The following TBCD variants were observed in gnomAD, a reference collection of about 807,000 sequenced individuals.
TBCD encodes tubulin folding cofactor D, also known as tubulin-specific chaperone D.
In TBCD, 105 loss-of-function variants were observed where a neutral mutation model predicts 169.3. That is an observed-to-expected ratio of 0.62 (90% CI 0.53 to 0.73). TBCD has a LOEUF of 0.73. TBCD is among the 30% of genes least tolerant of loss of function. TBCD has a pLI of 0.00. For missense variants in TBCD, 1,444 were observed against 1,600.1 expected, an observed-to-expected ratio of 0.90 and a Z score of 1.66; for synonymous variants, 700 against 643.9, an observed-to-expected ratio of 1.09 and a Z score of -1.32.
chr17:82,779,690 C>T (rs953229563), intron 6 of TBCD, among the ~76,000 whole-genome samples: 6 of 152,152 alleles, frequency 3.9e-5, no homozygotes, highest in African/African-American at 7.2e-5. Context: ...CCGGCTCTCG[C>T]GCAGGCCAAC....
chr17:82,892,495 A>G (rs2059210599), intron 16 of TBCD, among the ~76,000 whole-genome samples: 1 of 152,158 alleles, frequency 6.6e-6, no homozygotes, highest in South Asian at 2.1e-4. Context: ...ATTTGCTGGA[A>G]GAAAGCCGCA....
chr17:82,941,306 A>T, intron 37 of TBCD, 93 bp from the exon 38 acceptor site: 1 of 1,104,452 alleles, frequency 9.1e-7, no homozygotes, highest in Non-Finnish European at 1.3e-6. Context: ...CCTTTCCCTG[A>T]CTGCGGCCAT....
chr17:82,926,103 T>C (rs573387536), intron 27 of TBCD, among the ~76,000 whole-genome samples: 11 of 46,722 alleles, frequency 2.4e-4, no homozygotes, highest in Non-Finnish European at 3.1e-4. Context: ...GGAGGTGACC[T>C]CTCCCCGGGT....
chr17:82,869,971 TC>T (rs1172836493), intron 13 of TBCD, among the ~76,000 whole-genome samples: 17 of 152,154 alleles, frequency 1.1e-4, no homozygotes, highest in Non-Finnish European at 1.9e-4. Context: ...AGCTTTTGCT[TC>T]ATGGCACTTG....
intron 7 of TBCD, among the ~76,000 whole-genome samples, chr17:82,790,923 C>A (rs1387959550): frequency 6.6e-6 from 1 of 152,030 alleles, no homozygotes; most frequent in African/African-American, 2.4e-5. Context: ...CAGGCCAATG[C>A]CCCTTCAGGT....
At chr17:82,882,324 C>A (rs952749246) in intron 14 of TBCD, among the ~76,000 whole-genome samples, 1 of 152,242 alleles carries the variant, frequency 6.6e-6, no homozygotes, top group Non-Finnish European at 1.5e-5. Flanking sequence ...CATTCCCCCC[C>A]AGCCCCTGAC....
rs755302623 is a variant in TBCD, at chr17:82,840,953, G to GTTTTTTTTTTTTTTTTTTTTTTTT, written c.1318+26019_1318+26020insTTTTTTTTTTTTTTTTTTTTTTTT. Among the ~76,000 whole-genome samples, 17 of 70,548 alleles carry GTTTTTTTTTTTTTTTTTTTTTTTT rather than the reference G, an allele frequency of 2.4e-4. 8 individuals carry two copies. Among genetic ancestry groups the GTTTTTTTTTTTTTTTTTTTTTTTT allele is most frequent in the African/African-American group, 8.3e-4 (15 of 18,010 alleles). 46.3% of individuals were successfully genotyped at this position (70,548 alleles called of 152,430 possible). A position where few individuals can be genotyped will look rare whatever the true frequency, so the allele number is the denominator to read the frequency against. On this transcript the variant is annotated intron_variant, in intron 13 of 38. Transcript: ENST00000355528. ...ACGAGCTGGCCAGGACAGACAAACT[G>GTTTTTTTTTTTTTTTTTTTTTTTT]GTTTTTTTTTTTTTTTTTTTTTTTT...
chr17:82,925,072 G>A lies in TBCD; in HGVS notation c.2379+15G>A, dbSNP rs910090413. 42 of 1,543,010 alleles carry A rather than the reference G, an allele frequency of 2.7e-5. No homozygotes were observed. Among genetic ancestry groups the A allele is most frequent in the Non-Finnish European group, 3.5e-5 (40 of 1,142,380 alleles). On this transcript the variant is annotated intron_variant, in intron 27 of 38. Transcript: ENST00000355528. Reference sequence around the variant, plus strand: ...GGCTCCAGCAGGTGAGGCTGGCCACGCGCAGTGGACGGGGCCTAGGGCGAG... The same window carrying A: ...GGCTCCAGCAGGTGAGGCTGGCCACACGCAGTGGACGGGGCCTAGGGCGAG...
intron 13 of TBCD, among the ~76,000 whole-genome samples, chr17:82,852,461 CCAGCAGGCTCGG>C (rs939472016): frequency 9.9e-5 from 15 of 152,118 alleles, no homozygotes; most frequent in South Asian, 4.1e-4. Context: ...GGTCGAGGTG[CCAGCAGGCTCGG>C]CAGCAGGCTC....
intron 1 of TBCD, among the ~76,000 whole-genome samples, chr17:82,753,011 A>C (rs2047197672): frequency 6.6e-6 from 1 of 152,174 alleles, no homozygotes; most frequent in Non-Finnish European, 1.5e-5. Context: ...CGATGAGTCT[A>C]AATTCTCCGA....
At chr17:82,851,566 G>A (rs1247631591) in intron 13 of TBCD, among the ~76,000 whole-genome samples, 1 of 152,200 alleles carries the variant, frequency 6.6e-6, no homozygotes, top group Non-Finnish European at 1.5e-5. Flanking sequence ...TTGGTGACTC[G>A]GCCTCAGACA....
intron 7 of TBCD, chr17:82,795,599 G>A: frequency 1.0e-6 from 1 of 985,582 alleles, no homozygotes; most frequent in Non-Finnish European, 1.2e-6. Context: ...CTCTTTGCCT[G>A]TAGGATGAGA....
intron 17 of TBCD, 119 bp downstream of exon 17, chr17:82,893,751 T>C (rs2059300400): frequency 5.3e-6 from 4 of 751,160 alleles, no homozygotes; most frequent in East Asian, 5.5e-5. Context: ...GAATGTAGTT[T>C]TTGTGTGAAA....
intron 34 of TBCD, among the ~76,000 whole-genome samples, chr17:82,935,977 G>A (rs953552291): frequency 6.6e-6 from 1 of 152,220 alleles, no homozygotes; most frequent in East Asian, 1.9e-4. Context: ...TCAGGCAGCT[G>A]TTTCGTTGTA....
At chr17:82,859,055 C>T (rs376500954) in intron 13 of TBCD, among the ~76,000 whole-genome samples, 1 of 152,118 alleles carries the variant, frequency 6.6e-6, no homozygotes, top group Non-Finnish European at 1.5e-5. Context: ...GGGAGCCTGC[C>T]GGCTCTGTGT....
At chr17:82,821,575 C>T (rs75442867) in intron 13 of TBCD, among the ~76,000 whole-genome samples, 220 of 152,320 alleles carry the variant, frequency 1.4e-3, no homozygotes, top group African/African-American at 5.1e-3. Flanking sequence ...TTAGGAAGCT[C>T]CCTATGCAAT....
intron 17 of TBCD, among the ~76,000 whole-genome samples, chr17:82,896,614 C>T (rs1052653734): frequency 3.9e-5 from 6 of 152,108 alleles, no homozygotes; most frequent in Admixed American, 1.3e-4. Context: ...TACAGGCACA[C>T]GCCACCACGC....
intron 2 of TBCD, among the ~76,000 whole-genome samples, chr17:82,763,163 G>A (rs573856723): frequency 2.0e-5 from 3 of 152,248 alleles, no homozygotes; most frequent in Middle Eastern, 6.8e-3. Context: ...TTTCAACCGT[G>A]TCTCCTTTCA....
At chr17:82,776,516 T>C (rs1401714656) in intron 6 of TBCD, among the ~76,000 whole-genome samples, 2 of 152,206 alleles carry the variant, frequency 1.3e-5, no homozygotes, top group African/African-American at 2.4e-5. Context: ...GTTATGACTT[T>C]TAATGTGCAC....
Sources: gnomAD v4.1 joint callset for allele counts (sites outside exome capture counted in the v4.1 genomes callset) on GRCh38, gnomAD v4.1.1 for gene constraint, MANE v1.5 for transcripts, NCBI Gene and HGNC (gene_info 2026-07-23, HGNC 2026-07-21) for gene names.